ANKS1B: variants seen among roughly 807,000 people sequenced by gnomAD.
ANKS1B encodes the protein ankyrin repeat and sterile alpha motif domain-containing protein 1B.
Under a neutral mutation model 148.3 loss-of-function variants are expected in ANKS1B, and 36 were observed. The ratio of observed to expected loss-of-function variants is 0.24; its 90% CI spans 0.19 to 0.32. The LOEUF (loss-of-function observed/expected upper bound fraction) is 0.32, where lower values mean the gene tolerates loss of function less well. ANKS1B is among the 10% of genes least tolerant of loss of function. ANKS1B has a pLI of 1.00. For synonymous variants in ANKS1B, 542 were observed against 560.8 expected (o/e 0.97, Z 0.47); for missense variants, 1,157 against 1,542.6 (o/e 0.75, Z 4.19).
chr12:99,801,216 A>G (rs1159987327), intron 4 of ANKS1B, among the ~76,000 whole-genome samples: 1 of 152,148 alleles, frequency 6.6e-6, no homozygotes, highest in East Asian at 1.9e-4. Context: ...CTTATGCACA[A>G]TCAATGCCCC....
intron 19 of ANKS1B, among the ~76,000 whole-genome samples, chr12:98,822,064 G>A (rs914323816): frequency 6.6e-6 from 1 of 152,086 alleles, no homozygotes. Flanking sequence ...CCAAGAGAAG[G>A]AGAGCCAGAG....
intron 17 of ANKS1B, among the ~76,000 whole-genome samples, chr12:98,858,849 T>G (rs531503922): frequency 6.6e-6 from 1 of 152,342 alleles, no homozygotes; most frequent in South Asian, 2.1e-4. Flanking sequence ...ACCTTAGCAC[T>G]TCTCTCAATT....
At chr12:99,705,135 T>C (rs2055530157) in intron 8 of ANKS1B, among the ~76,000 whole-genome samples, 1 of 152,020 alleles carries the variant, frequency 6.6e-6, no homozygotes, top group South Asian at 2.1e-4. Context: ...AAATAGCAAC[T>C]ATGTGAAAGA....
chr12:99,003,814 G>A (rs1188190536), intron 17 of ANKS1B, among the ~76,000 whole-genome samples: 2 of 152,080 alleles, frequency 1.3e-5, no homozygotes, highest in Non-Finnish European at 2.9e-5. Context: ...CCACCAATTG[G>A]CTAGGCTAAC....
chr12:98,818,486 TC>T (rs2099159878), intron 19 of ANKS1B, among the ~76,000 whole-genome samples: 2 of 152,148 alleles, frequency 1.3e-5, no homozygotes, highest in South Asian at 4.1e-4. Flanking sequence ...ATTGTGCAGC[TC>T]CCCAGGTTCC....
intron 14 of ANKS1B, among the ~76,000 whole-genome samples, chr12:99,208,904 C>T (rs760317391): frequency 1.3e-5 from 2 of 152,082 alleles, no homozygotes; most frequent in South Asian, 2.1e-4. Flanking sequence ...AAAGTTAAAA[C>T]ATTTACTTTT....
chr12:99,254,090 T>A (rs1257751789), intron 12 of ANKS1B, among the ~76,000 whole-genome samples: 1 of 152,180 alleles, frequency 6.6e-6, no homozygotes, highest in Non-Finnish European at 1.5e-5. Flanking sequence ...AAATGCAACG[T>A]GTGATCCTGA....
chr12:99,399,737 G>C lies in ANKS1B; in HGVS notation c.1650C>G (p.Ile550Met). Residue 550 changes from isoleucine to methionine, a missense_variant, in exon 12 of 27, where the codon ATC becomes ATG. Transcript: ENST00000683438. ...RMNHNQEYFE[I>M]NTSTGCTSFT... ...AGCTTGTGCACCCTGTAGATGTGTT[G>C]ATTTCAAAATATTCTTGGTTGTGAT... 6.2e-7 allele frequency: 1 copy of C among 1,613,438 alleles called. No homozygotes were observed. Among genetic ancestry groups the C allele is most frequent in the East Asian group, 2.2e-5 (1 of 44,866 alleles).
chr12:99,510,947 T>C (rs1045500629), intron 9 of ANKS1B, among the ~76,000 whole-genome samples: 3 of 152,046 alleles, frequency 2.0e-5, no homozygotes, highest in East Asian at 3.9e-4. Context: ...GCTTTCTAGA[T>C]ACAGGATCAT....
At chr12:99,234,078 A>C (rs1416263089) in intron 14 of ANKS1B, among the ~76,000 whole-genome samples, 4 of 152,126 alleles carry the variant, frequency 2.6e-5, no homozygotes, top group African/African-American at 7.2e-5. Context: ...AACAAACATA[A>C]GTGTTCAAAA....
chr12:98,833,421 A>G (rs1303404866), intron 17 of ANKS1B, among the ~76,000 whole-genome samples: 1 of 152,138 alleles, frequency 6.6e-6, no homozygotes, highest in Non-Finnish European at 1.5e-5. Context: ...AAATGTGTTT[A>G]CCTCTTCCCT....
chr12:99,041,868 T>C (rs2099959228), intron 17 of ANKS1B, among the ~76,000 whole-genome samples: 1 of 151,960 alleles, frequency 6.6e-6, no homozygotes, highest in South Asian at 2.1e-4. Flanking sequence ...TCAGGTGTGG[T>C]GGTGTGCGCC....
chr12:99,916,676 G>T (rs565218485), intron 1 of ANKS1B, among the ~76,000 whole-genome samples: 67 of 152,296 alleles, frequency 4.4e-4, no homozygotes, highest in African/African-American at 1.6e-3. Flanking sequence ...TTTTGGCCAG[G>T]TGGAATAACA....
At chr12:99,097,887 G>T (rs1445632232) in intron 15 of ANKS1B, among the ~76,000 whole-genome samples, 1 of 152,144 alleles carries the variant, frequency 6.6e-6, no homozygotes, top group Non-Finnish European at 1.5e-5. Context: ...CACTCCTATT[G>T]CCTGAAGAAT....
chr12:98,852,439 T>C (rs2099534508), intron 17 of ANKS1B, among the ~76,000 whole-genome samples: 1 of 151,968 alleles, frequency 6.6e-6, no homozygotes, highest in African/African-American at 2.4e-5. Context: ...AATTCTGCAA[T>C]CAAGTAGAAA....
chr12:98,781,250 C>T, intron 23 of ANKS1B, 47 bp from the exon 24 acceptor site: 1 of 1,187,344 alleles, frequency 8.4e-7, no homozygotes, highest in Non-Finnish European at 1.2e-6. Flanking sequence ...TGTTGCGTGG[C>T]AACTGAAGCA....
At chr12:98,909,742 G>A (rs2099784213) in intron 17 of ANKS1B, among the ~76,000 whole-genome samples, 2 of 152,132 alleles carry the variant, frequency 1.3e-5, no homozygotes, top group Admixed American at 1.3e-4. Flanking sequence ...CACCAAAAAG[G>A]GAAAGTGTAC....
intron 14 of ANKS1B, among the ~76,000 whole-genome samples, chr12:99,171,205 TTCCAA>T (rs1262531140): frequency 6.6e-6 from 1 of 152,208 alleles, no homozygotes; most frequent in African/African-American, 2.4e-5. Flanking sequence ...TATCTCATTT[TTCCAA>T]TCCTAGGTGT....
chr12:99,776,041 C>A (rs2063616232), intron 6 of ANKS1B, among the ~76,000 whole-genome samples: 1 of 152,114 alleles, frequency 6.6e-6, no homozygotes, highest in South Asian at 2.1e-4. Context: ...TAGATTTAAT[C>A]CCCAAAACAG....
Sources: gnomAD v4.1 joint callset for allele counts (sites outside exome capture counted in the v4.1 genomes callset) on GRCh38, gnomAD v4.1.1 for gene constraint, MANE v1.5 for transcripts, NCBI Gene and HGNC (gene_info 2026-07-23, HGNC 2026-07-21) for gene names.